SVIL: variants seen among roughly 807,000 people sequenced by gnomAD.
The protein encoded by SVIL is archvillin.
A neutral mutation model predicts 240.4 loss-of-function variants in SVIL; 101 were observed. That is an observed-to-expected ratio of 0.42 (90% CI 0.36 to 0.50). The LOEUF (loss-of-function observed/expected upper bound fraction) is 0.50, where lower values mean the gene tolerates loss of function less well. Ranked by LOEUF, SVIL falls within the 20% of genes least tolerant of loss-of-function variation. The pLI, the probability that SVIL is intolerant of heterozygous loss-of-function variation, is 0.01. For missense variants in SVIL, 2,512 were observed against 2,818.7 expected (o/e 0.89, Z 2.46); for synonymous variants, 999 against 1,100.0 (o/e 0.91, Z 1.82).
chr10:29,565,731 A>AAT (rs1954913871), intron 2 of SVIL, among the ~76,000 whole-genome samples: 1 of 151,646 alleles, frequency 6.6e-6, no homozygotes, highest in African/African-American at 2.4e-5. Context: ...CTCTAAAAAA[A>AAT]AAAATAGGAA....
chr10:29,531,467 C>T (rs958866819), intron 9 of SVIL, among the ~76,000 whole-genome samples, 179 bp from the exon 10 acceptor site: 4 of 152,238 alleles, frequency 2.6e-5, no homozygotes, highest in Non-Finnish European at 5.9e-5. Context: ...CACTGTGGAG[C>T]GTGTGTGCAC....
intron 22 of SVIL, among the ~76,000 whole-genome samples, chr10:29,489,765 C>A (rs1947776445): frequency 6.6e-6 from 1 of 152,048 alleles, no homozygotes; most frequent in Admixed American, 6.6e-5. Flanking sequence ...CCAGGCTGGT[C>A]TCAGACTCCT....
At chr10:29,597,588 C>T (rs775692857) in intron 1 of SVIL, among the ~76,000 whole-genome samples, 8 of 151,944 alleles carry the variant, frequency 5.3e-5, no homozygotes, top group Non-Finnish European at 7.4e-5. Flanking sequence ...TTAGTAGAGA[C>T]GGGTTTTTGC....
At chr10:29,512,476 A>T (rs1426428557) in intron 17 of SVIL, among the ~76,000 whole-genome samples, 1 of 152,230 alleles carries the variant, frequency 6.6e-6, no homozygotes, top group African/African-American at 2.4e-5. Flanking sequence ...AACTGAAGAA[A>T]AAGTCCACAC....
intron 1 of SVIL, among the ~76,000 whole-genome samples, chr10:29,716,819 A>G (rs1400956279): frequency 6.6e-6 from 1 of 152,260 alleles, no homozygotes; most frequent in Non-Finnish European, 1.5e-5. Context: ...TTCTTTGCCA[A>G]TGATCTCTGG....
intron 2 of SVIL, among the ~76,000 whole-genome samples, chr10:29,663,475 G>A (rs1025874710): frequency 2.6e-5 from 4 of 151,960 alleles, no homozygotes; most frequent in African/African-American, 7.3e-5. Flanking sequence ...TGCAACCTCC[G>A]CCTCCCAGGT....
intron 17 of SVIL, among the ~76,000 whole-genome samples, chr10:29,501,808 C>G (rs2132443265): frequency 6.6e-6 from 1 of 152,256 alleles, no homozygotes; most frequent in East Asian, 1.9e-4. Context: ...TGGCGCTTGG[C>G]TTCAAATATT....
chr10:29,632,874 T>C (rs1259295644), intron 1 of SVIL, among the ~76,000 whole-genome samples: 1 of 151,832 alleles, frequency 6.6e-6, no homozygotes, highest in Non-Finnish European at 1.5e-5. Flanking sequence ...GAGTATAGAC[T>C]CCAAAGTTTC....
intron 17 of SVIL, among the ~76,000 whole-genome samples, chr10:29,510,335 T>C (rs1949738217): frequency 6.6e-6 from 1 of 152,234 alleles, no homozygotes. Context: ...ACTTTTTTAA[T>C]GTGACTCCAA....
At chr10:29,506,680 TGAGGGAGGGGACAGAGGCCCTAC>T (rs1949328202) in intron 17 of SVIL, among the ~76,000 whole-genome samples, 6 of 50,900 alleles carry the variant, frequency 1.2e-4, no homozygotes, top group African/African-American at 2.5e-4. Flanking sequence ...AGAGGCCCTA[TGAGGGAGGGGACAGAGGCCCTAC>T]GAGGGAGGGG....
chr10:29,551,345 A>G lies in SVIL; in HGVS notation c.161-82T>C, dbSNP rs376904038. Reference sequence around the variant, plus strand: ...CACACAGAATGACACTCTACTGCACACAGCACACACCTGGGTGCCCATGCT... The same window carrying G: ...CACACAGAATGACACTCTACTGCACGCAGCACACACCTGGGTGCCCATGCT... On this transcript the variant is annotated intron_variant, in intron 5 of 37. Transcript: ENST00000355867. The G allele has an allele frequency of 4.7e-5, 62 of 1,314,720 alleles. No individual in the cohort carries two copies. The African/African-American group carries it at 5.9e-4, about 12-fold the overall frequency. 81.4% of individuals were successfully genotyped at this position (1,314,720 alleles called of 1,614,324 possible).
rs1426892665 is a variant in SVIL, at chr10:29,484,317, G to A, written c.4955+339C>T. Among the ~76,000 whole-genome samples the A allele has an allele frequency of 1.3e-5, 2 of 152,160 alleles. No homozygotes were observed. Among genetic ancestry groups the A allele is most frequent in the Non-Finnish European group, 2.9e-5 (2 of 68,026 alleles). The stretch of plus-strand genomic sequence containing the variant: ...ATGGCTGAATTCCAGACCCGGGGAA[G>A]CCTTTCAGATCCGCATGTAATTTGT... On this transcript the variant is annotated intron_variant, in intron 27 of 37. Coordinates refer to ENST00000355867, the MANE Select transcript of SVIL (RefSeq NM_021738.3). The surrounding 1 kb of genome is among the most constrained non-coding windows in gnomAD (Gnocchi z 4.7).
At chr10:29,575,808 C>A (rs1250621287) in intron 1 of SVIL, among the ~76,000 whole-genome samples, 1 of 152,106 alleles carries the variant, frequency 6.6e-6, no homozygotes, top group Non-Finnish European at 1.5e-5. Flanking sequence ...GTGATGGAAT[C>A]CTCATGAGAA....
chr10:29,532,097 T>C lies in SVIL; in HGVS notation c.1914A>G (p.Lys638=), dbSNP rs774005698. The C allele has an allele frequency of 6.2e-7, 1 of 1,614,072 alleles. No homozygotes were observed. The highest frequency in any genetic ancestry group is 1.1e-5 in the South Asian group (1 of 91,080). The change falls in exon 9 of 38, where the codon AAA becomes AAG. Residue 638 remains lysine (K), a synonymous_variant. Transcript: ENST00000355867. ...CACCAGGAGAAAAATAGCGTCTTGGTTTCCGGGACCCTCTCTCCCGTTCCA... is the reference window on the plus strand; with the variant it reads ...CACCAGGAGAAAAATAGCGTCTTGGCTTCCGGGACCCTCTCTCCCGTTCCA... ...TGVERERGSR[K]PRRYFSPGES... is the part of the protein sequence containing the mutation.
chr10:29,631,884 G>C (rs1958109177), intron 1 of SVIL, among the ~76,000 whole-genome samples: 1 of 152,178 alleles, frequency 6.6e-6, no homozygotes, highest in African/African-American at 2.4e-5. Context: ...ATTCCTAGTT[G>C]AGTCACAAAT....
At chr10:29,597,692 G>A (rs1261832112) in intron 1 of SVIL, among the ~76,000 whole-genome samples, 1 of 152,006 alleles carries the variant, frequency 6.6e-6, no homozygotes, top group African/African-American at 2.4e-5. Flanking sequence ...GAACCACCAC[G>A]CCAGGCCTAA....
chr10:29,587,420 T>C (rs1361800676), intron 1 of SVIL, among the ~76,000 whole-genome samples: 2 of 152,242 alleles, frequency 1.3e-5, no homozygotes, highest in African/African-American at 4.8e-5. Context: ...AGGTCACCAC[T>C]GCACAATGCA....
At chr10:29,713,627 G>C (rs1307729856) in intron 1 of SVIL, among the ~76,000 whole-genome samples, 1 of 151,920 alleles carries the variant, frequency 6.6e-6, no homozygotes, top group Admixed American at 6.6e-5. Context: ...GGCTATTCTG[G>C]GGCAAATAGA....
intron 1 of SVIL, among the ~76,000 whole-genome samples, chr10:29,630,803 T>C (rs945337283): frequency 3.3e-5 from 5 of 151,968 alleles, no homozygotes; most frequent in African/African-American, 9.7e-5. Context: ...GTGAGTAATA[T>C]AGGATGAGGG....
Sources: allele counts gnomAD v4.1 joint callset (sites outside exome capture counted in the v4.1 genomes callset), GRCh38; gene constraint gnomAD v4.1.1; non-coding constraint Gnocchi (gnomAD v3.1); transcripts MANE v1.5; gene names NCBI Gene and HGNC (gene_info 2026-07-23, HGNC 2026-07-21).